Variants in NCOA1 observed in about 807,000 individuals in gnomAD.
NCOA1 encodes nuclear receptor coactivator 1.
Under a neutral mutation model 150.9 loss-of-function variants are expected in NCOA1, and 35 were observed. The observed-to-expected ratio is 0.23, with a 90% CI of 0.18 to 0.31. The LOEUF (loss-of-function observed/expected upper bound fraction) is 0.31. Among genes scored for constraint, NCOA1 ranks in the 10% least tolerant of loss-of-function variants. The pLI, the probability that NCOA1 is intolerant of heterozygous loss-of-function variation, is 1.00. For synonymous variants in NCOA1, 590 were observed against 630.0 expected, an observed-to-expected ratio of 0.94 and a Z score of 0.95; for missense variants, 1,491 against 1,749.3, an observed-to-expected ratio of 0.85 and a Z score of 2.63.
intron 3 of NCOA1, among the ~76,000 whole-genome samples, chr2:24,610,767 G>T (rs530502758): frequency 1.6e-3 from 218 of 140,074 alleles, no homozygotes; most frequent in Non-Finnish European, 2.7e-3. Context: ...ATTTATTGTG[G>T]TTTTTTTTTT....
intron 8 of NCOA1, among the ~76,000 whole-genome samples, chr2:24,683,794 G>A (rs1672283914): frequency 6.6e-6 from 1 of 152,142 alleles, no homozygotes; most frequent in African/African-American, 2.4e-5. Context: ...GTTACTCCTG[G>A]TGATTGCATT....
intron 1 of NCOA1, among the ~76,000 whole-genome samples, chr2:24,523,865 A>G (rs1410995840): frequency 7.3e-6 from 1 of 137,666 alleles, no homozygotes; most frequent in African/African-American, 2.6e-5. Context: ...GGTGGAGGGT[A>G]CAGTGAGCCG....
intron 19 of NCOA1, among the ~76,000 whole-genome samples, chr2:24,750,609 A>G (rs764611786): frequency 2.6e-5 from 4 of 152,206 alleles, no homozygotes; most frequent in Non-Finnish European, 5.9e-5. Flanking sequence ...TTTACATGAA[A>G]TTTCCCCCCA....
At chr2:24,560,279 CCAGAGGTCAGA>C (rs575707193) in intron 1 of NCOA1, among the ~76,000 whole-genome samples, 67 of 152,204 alleles carry the variant, frequency 4.4e-4, no homozygotes, top group African/African-American at 1.6e-3. Flanking sequence ...CTGTGACCTG[CCAGAGGTCAGA>C]CAGTTTGTGT....
At chr2:24,513,994 T>C (rs528385058) in intron 1 of NCOA1, among the ~76,000 whole-genome samples, 3 of 152,228 alleles carry the variant, frequency 2.0e-5, no homozygotes, top group South Asian at 2.1e-4. Flanking sequence ...ACTTAAAAAC[T>C]AGCAAATTTT....
chr2:24,690,603 G>A (rs1282752364), intron 8 of NCOA1, among the ~76,000 whole-genome samples: 2 of 116,080 alleles, frequency 1.7e-5, no homozygotes, highest in African/African-American at 6.7e-5. Flanking sequence ...GGTGAGCCGA[G>A]ATCACACCAT....
chr2:24,495,617 G>C (rs895086896), intron 1 of NCOA1, among the ~76,000 whole-genome samples: 2 of 152,130 alleles, frequency 1.3e-5, no homozygotes, highest in Admixed American at 1.3e-4. Flanking sequence ...CCCATTATCA[G>C]GACCAGAATT....
intron 2 of NCOA1, among the ~76,000 whole-genome samples, chr2:24,569,207 C>T (rs1368493909): frequency 6.6e-6 from 1 of 152,142 alleles, no homozygotes; most frequent in Non-Finnish European, 1.5e-5. Context: ...CACCTCTTTT[C>T]AGAGTTTTAT....
chr2:24,569,551 A>AATT (rs1553430199), intron 2 of NCOA1, among the ~76,000 whole-genome samples: 13 of 75,700 alleles, frequency 1.7e-4, no homozygotes, highest in Non-Finnish European at 3.9e-4. Context: ...TGGTTTTATT[A>AATT]ATTTTTTTTT....
intron 17 of NCOA1, among the ~76,000 whole-genome samples, chr2:24,732,916 A>G (rs186452188): frequency 1.3e-5 from 2 of 151,640 alleles, no homozygotes; most frequent in East Asian, 3.9e-4. Flanking sequence ...CGCCAAAAAA[A>G]GAAAAAAAGG....
At chr2:24,512,940 A>G (rs886250733) in intron 1 of NCOA1, among the ~76,000 whole-genome samples, 2 of 152,174 alleles carry the variant, frequency 1.3e-5, no homozygotes, top group African/African-American at 4.8e-5. Context: ...GTATTGGATG[A>G]TTAAATGAAA....
intron 4 of NCOA1, among the ~76,000 whole-genome samples, 152 bp from the exon 5 acceptor site, chr2:24,658,509 G>T (rs2148491487): frequency 6.6e-6 from 1 of 152,188 alleles, no homozygotes; most frequent in African/African-American, 2.4e-5. Flanking sequence ...GTACTTTTAT[G>T]TAGATCTTCA....
intron 7 of NCOA1, among the ~76,000 whole-genome samples, chr2:24,680,490 C>T (rs968196150): frequency 3.9e-5 from 6 of 152,150 alleles, no homozygotes; most frequent in African/African-American, 1.4e-4. Flanking sequence ...ACAGATACCA[C>T]ATGATCTCAC....
At chr2:24,517,312 T>C (rs1005321269) in intron 1 of NCOA1, among the ~76,000 whole-genome samples, 4 of 151,972 alleles carry the variant, frequency 2.6e-5, no homozygotes, top group African/African-American at 9.7e-5. Context: ...CTCTTCTGCT[T>C]GTCACTGCTG....
Position 24,503,859 on chromosome 2 carries a change from C to T in NCOA1, c.-396+12257C>T, listed in dbSNP as rs189104254. ...AAGCGATTCTCCTGTCTCAGCCTCC[C>T]GAGTAGCTGGGATTTCAGATGTGTA... On this transcript the variant is annotated intron_variant, in intron 1 of 22. Coordinates refer to ENST00000348332, the MANE Select transcript of NCOA1 (RefSeq NM_003743.5). Among the ~76,000 whole-genome samples the T allele has an allele frequency of 7.0e-4, 107 of 151,860 alleles. 1 individual carries two copies. The East Asian group carries it at 0.018, about 26-fold the overall frequency.
At chr2:24,744,996 A>G (rs535646981) in intron 19 of NCOA1, among the ~76,000 whole-genome samples, 1 of 152,256 alleles carries the variant, frequency 6.6e-6, no homozygotes, top group East Asian at 1.9e-4. Context: ...GCCTCTTTCC[A>G]CTTAATGTAG....
At chr2:24,495,092 G>A (rs1052686884) in intron 1 of NCOA1, among the ~76,000 whole-genome samples, 1 of 103,620 alleles carries the variant, frequency 9.7e-6, no homozygotes, top group African/African-American at 3.2e-5. Flanking sequence ...AGATGAAGGT[G>A]TTTTTTTTTT....
In NCOA1 at chr2:24,769,000, T is replaced by A. The variant is rs184022637; in HGVS notation, c.*609T>A. 5 of 213,036 alleles carry A rather than the reference T, an allele frequency of 2.3e-5. No homozygotes were observed. Among genetic ancestry groups the A allele is most frequent in the Admixed American group, 1.8e-4 (3 of 17,092 alleles). The allele number at this position is 213,036 out of a possible 1,614,324, so 13.2% of individuals were successfully genotyped here. On this transcript the variant is annotated 3_prime_UTR_variant, in exon 23 of 23. Coordinates refer to ENST00000348332, the MANE Select transcript of NCOA1 (RefSeq NM_003743.5). ...TTTTAAAGATGGATTTAAACCAAGA[T>A]GCCTCCAGGAAAGAGGACGAAATGA... is the stretch of plus-strand genomic sequence containing the variant.
At chr2:24,506,818 T>G (rs1285471684) in intron 1 of NCOA1, among the ~76,000 whole-genome samples, 1 of 152,202 alleles carries the variant, frequency 6.6e-6, no homozygotes, top group African/African-American at 2.4e-5. Flanking sequence ...ATCCATTGCT[T>G]TAGAAAGAAT....
Sources: allele counts gnomAD v4.1 joint callset (sites outside exome capture counted in the v4.1 genomes callset), GRCh38; gene constraint gnomAD v4.1.1; transcripts MANE v1.5; gene names NCBI Gene and HGNC (gene_info 2026-07-23, HGNC 2026-07-21).